CDH13: variants seen among roughly 807,000 people sequenced by gnomAD.
CDH13 encodes cadherin-13.
CDH13 carries 24 observed loss-of-function variants against 63.8 expected under a neutral mutation model. That is an observed-to-expected ratio of 0.38 (90% CI 0.27 to 0.53). CDH13 has a LOEUF of 0.53. Ranked by LOEUF, CDH13 falls within the 20% of genes least tolerant of loss-of-function variation. CDH13 has a pLI of 0.85. For missense variants in CDH13, 1,049 were observed against 903.1 expected, an observed-to-expected ratio of 1.16 and a Z score of -2.07; for synonymous variants, 503 against 355.3, an observed-to-expected ratio of 1.42 and a Z score of -4.67.
At chr16:83,669,222 C>A (rs1201565418) in intron 8 of CDH13, among the ~76,000 whole-genome samples, 1 of 152,088 alleles carries the variant, frequency 6.6e-6, no homozygotes, top group African/African-American at 2.4e-5. Flanking sequence ...TAGAGGACCC[C>A]GGGCAGTTTC....
chr16:83,376,593 C>A (rs150258745), intron 6 of CDH13, among the ~76,000 whole-genome samples: 2 of 152,192 alleles, frequency 1.3e-5, no homozygotes, highest in East Asian at 3.9e-4. Flanking sequence ...AGAGGAACAT[C>A]TAACTCGGTG....
chr16:82,968,217 C>T (rs1470745151), intron 2 of CDH13, among the ~76,000 whole-genome samples: 6 of 152,152 alleles, frequency 3.9e-5, no homozygotes, highest in Non-Finnish European at 8.8e-5. Context: ...CACCGTTTGT[C>T]CAGTGGGAAG....
intron 2 of CDH13, among the ~76,000 whole-genome samples, chr16:83,002,201 A>C (rs527269849): frequency 7.2e-5 from 11 of 152,188 alleles, no homozygotes; most frequent in Non-Finnish European, 1.6e-4. Context: ...AGAATCTGAT[A>C]ATGAGAGGAG....
At chr16:83,766,924 T>A (rs1914428921) in intron 11 of CDH13, among the ~76,000 whole-genome samples, 1 of 152,192 alleles carries the variant, frequency 6.6e-6, no homozygotes, top group African/African-American at 2.4e-5. Context: ...TGCCACCCTG[T>A]GAAGAAGATG....
chr16:83,256,347 T>TA lies in CDH13; in HGVS notation c.636+38855dup, dbSNP rs1906257161. Among the ~76,000 whole-genome samples, 7 of 152,240 alleles carry TA rather than the reference T, an allele frequency of 4.6e-5. No individual in the cohort carries two copies. The South Asian group carries it at 1.5e-3, about 32-fold the overall frequency. On this transcript the variant is annotated intron_variant, in intron 5 of 13. Transcript: ENST00000567109. The stretch of plus-strand genomic sequence containing the variant: ...TACACTTGGCCCATAAGTGATTTTT[T>TA]AAAAATAAGTAAATATTTACAAGAA...
chr16:83,080,631 G>A (rs1489221496), intron 3 of CDH13, among the ~76,000 whole-genome samples: 1 of 152,078 alleles, frequency 6.6e-6, no homozygotes, highest in Non-Finnish European at 1.5e-5. Flanking sequence ...CACAGCTCCT[G>A]TATTAGCTGA....
rs76474648 is a variant in CDH13, at chr16:82,722,297, C to G, written c.45+95160C>G. On this transcript the variant is annotated intron_variant, in intron 1 of 13. Coordinates refer to ENST00000567109, the MANE Select transcript of CDH13 (RefSeq NM_001257.5). ...TTGAATCTTGTTAAATGGTTTCTCTCCATCTCTTGGCTCTACTTTTTTCTA... is the reference window on the plus strand; with the variant it reads ...TTGAATCTTGTTAAATGGTTTCTCTGCATCTCTTGGCTCTACTTTTTTCTA... Among the ~76,000 whole-genome samples the G allele has an allele frequency of 3.6e-3, 544 of 152,216 alleles. 24 individuals carry two copies. The East Asian group carries it at 0.092, about 26-fold the overall frequency.
intron 2 of CDH13, among the ~76,000 whole-genome samples, chr16:82,960,669 C>T (rs945486705): frequency 2.6e-5 from 4 of 152,088 alleles, no homozygotes; most frequent in Non-Finnish European, 4.4e-5. Context: ...ACCACAAGAA[C>T]GTGCAAAGCA....
chr16:83,703,731 C>T (rs1472218809), intron 10 of CDH13, among the ~76,000 whole-genome samples: 1 of 152,108 alleles, frequency 6.6e-6, no homozygotes, highest in Non-Finnish European at 1.5e-5. Context: ...AAACAAGGGG[C>T]AAGGAGACTA....
At chr16:83,519,444 C>T (rs909656731) in intron 7 of CDH13, among the ~76,000 whole-genome samples, 9 of 152,194 alleles carry the variant, frequency 5.9e-5, no homozygotes, top group Non-Finnish European at 8.8e-5. Context: ...ACAAATACTT[C>T]AATGAAAATG....
intron 1 of CDH13, among the ~76,000 whole-genome samples, chr16:82,777,176 C>T (rs2035538683): frequency 6.6e-6 from 1 of 152,040 alleles, no homozygotes; most frequent in African/African-American, 2.4e-5. Context: ...ACTGTGTTAC[C>T]CAGAGTGGTC....
At position 82,759,565 on chromosome 16, in the gene CDH13, T is replaced by A. The variant is rs374938685; in HGVS notation, c.46-98797T>A. 3.5e-4 allele frequency among the ~76,000 whole-genome samples: 52 copies of A among 150,220 alleles called. No individual in the cohort carries two copies. The East Asian group carries it at 5.1e-3, about 15-fold the overall frequency. On this transcript the variant is annotated intron_variant, in intron 1 of 13. Transcript: ENST00000567109. Reference sequence around the variant, plus strand: ...GTATATGTATAATATAACATGAATATAATATACATATGTATACACATATAT... The same window carrying A: ...GTATATGTATAATATAACATGAATAAAATATACATATGTATACACATATAT...
intron 4 of CDH13, among the ~76,000 whole-genome samples, chr16:83,150,251 T>A (rs1287558092): frequency 6.6e-6 from 1 of 152,198 alleles, no homozygotes; most frequent in Non-Finnish European, 1.5e-5. Context: ...AAATTGTAAG[T>A]CACTTAAGCA....
intron 2 of CDH13, among the ~76,000 whole-genome samples, chr16:82,951,623 A>G (rs945880783): frequency 3.9e-5 from 6 of 152,190 alleles, no homozygotes; most frequent in African/African-American, 9.6e-5. Flanking sequence ...TACTGCCAGC[A>G]TCTACAGGGC....
At chr16:83,374,429 T>A (rs960734975) in intron 6 of CDH13, among the ~76,000 whole-genome samples, 7 of 152,164 alleles carry the variant, frequency 4.6e-5, no homozygotes, top group Admixed American at 3.3e-4. Flanking sequence ...AGAGACCATA[T>A]TTTTTCTCTG....
intron 2 of CDH13, among the ~76,000 whole-genome samples, chr16:82,915,835 C>T (rs1357131135): frequency 6.7e-6 from 1 of 149,670 alleles, no homozygotes; most frequent in South Asian, 2.2e-4. Context: ...AGGCATGTTG[C>T]ATTTTTTGGC....
Position 83,001,738 on chromosome 16 carries a change from G to C in CDH13, c.158-30272G>C, listed in dbSNP as rs148078149. Among the ~76,000 whole-genome samples, 37 of 152,332 alleles carry C rather than the reference G, an allele frequency of 2.4e-4. No individual in the cohort carries two copies. In the East Asian group the frequency reaches 4.4e-3, roughly 18 times the overall value. ...ATTGGCTGTGACCCAGAGGACATTT[G>C]ATGTAAAGGATATTTTGTGCATGTC... is the stretch of plus-strand genomic sequence containing the variant. On this transcript the variant is annotated intron_variant, in intron 2 of 13. Coordinates refer to ENST00000567109, the MANE Select transcript of CDH13 (RefSeq NM_001257.5).
intron 5 of CDH13, among the ~76,000 whole-genome samples, chr16:83,219,786 G>A (rs113070902): frequency 5.4e-4 from 82 of 152,272 alleles, no homozygotes; most frequent in African/African-American, 1.9e-3. Flanking sequence ...ATAGGGTAAG[G>A]GACACGCTTC....
intron 11 of CDH13, among the ~76,000 whole-genome samples, chr16:83,755,594 A>G (rs1276301787): frequency 1.3e-5 from 2 of 152,232 alleles, no homozygotes; most frequent in African/African-American, 2.4e-5. Flanking sequence ...ATGAGCTACA[A>G]TATGACTTAT....
Sources: gnomAD v4.1 joint callset for allele counts (sites outside exome capture counted in the v4.1 genomes callset) on GRCh38, gnomAD v4.1.1 for gene constraint, MANE v1.5 for transcripts, NCBI Gene and HGNC (gene_info 2026-07-23, HGNC 2026-07-21) for gene names.